The following KIF9 variants were observed in gnomAD, a reference collection of about 807,000 sequenced individuals.
The protein encoded by KIF9 is kinesin family member 9.
In KIF9, 68 loss-of-function variants were observed where a neutral mutation model predicts 94.8. That is an observed-to-expected ratio of 0.72 (90% CI 0.59 to 0.88). KIF9 has a LOEUF of 0.88. Among genes scored for constraint, KIF9 ranks in the 40% least tolerant of loss-of-function variants. KIF9 has a pLI of 0.00. For missense variants in KIF9, 882 were observed against 982.5 expected (o/e 0.90, Z 1.37); for synonymous variants, 343 against 362.1 (o/e 0.95, Z 0.60).
At chr3:47,250,320 C>T (rs534200213) in intron 10 of KIF9, among the ~76,000 whole-genome samples, 2 of 152,146 alleles carry the variant, frequency 1.3e-5, no homozygotes, top group South Asian at 2.1e-4. Context: ...TAGCAGTTAC[C>T]GTATTAAACA....
chr3:47,236,674 G>A, intron 17 of KIF9, 55 bp from the exon 18 acceptor site: 1 of 1,523,306 alleles, frequency 6.6e-7, no homozygotes, highest in Non-Finnish European at 9.1e-7. Flanking sequence ...TGAAATTGGG[G>A]GAGGAAGGGA....
chr3:47,281,103 A>G lies in KIF9; in HGVS notation c.-6+1392T>C. On this transcript the variant is annotated intron_variant, in intron 1 of 20. Transcript: ENST00000684063. ...TCCAGGGCAGAGCCCAGCACAGAGTAGGTATTCAGGAAATGGCGGTGGTTG... is the reference window on the plus strand; with the variant it reads ...TCCAGGGCAGAGCCCAGCACAGAGTGGGTATTCAGGAAATGGCGGTGGTTG... 8.7e-6 allele frequency: 6 copies of G among 686,042 alleles called. No homozygotes were observed. The South Asian group carries it at 9.2e-5, about 11-fold the overall frequency. The allele number at this position is 686,042 out of a possible 1,614,324, so 42.5% of individuals were successfully genotyped here.
rs767315678 is a variant in KIF9, at chr3:47,264,316, G to A, written c.951C>T (p.Ile317=). 25 of 1,613,734 alleles carry A rather than the reference G, an allele frequency of 1.5e-5. No homozygotes were observed. Among genetic ancestry groups the A allele is most frequent in the Non-Finnish European group, 1.4e-5 (17 of 1,179,664 alleles). The change falls in exon 9 of 21, where the codon ATC becomes ATT. Residue 317 remains isoleucine (I), a synonymous_variant. Coordinates refer to ENST00000684063, the MANE Select transcript of KIF9 (RefSeq NM_182902.4). ...GNCNMVLVTN[I]YGEAAQLEET... ...CTTCTAACTGGGCAGCTTCTCCATA[G>A]ATGTTTGTCACGAGGACCATATTGC...
intron 17 of KIF9, chr3:47,239,849 G>A: frequency 7.3e-7 from 1 of 1,367,894 alleles, no homozygotes; most frequent in South Asian, 1.1e-5. Flanking sequence ...GATCACTCAT[G>A]GAAGCTGGCC....
intron 1 of KIF9, among the ~76,000 whole-genome samples, chr3:47,278,491 T>C (rs1237518327): frequency 1.3e-5 from 2 of 152,158 alleles, no homozygotes; most frequent in Non-Finnish European, 2.9e-5. Flanking sequence ...CATCTCAACC[T>C]TCCAAGTAGC....
Position 47,282,415 on chromosome 3 carries a change from G to C in KIF9, c.-6+80C>G, listed in dbSNP as rs1012175033. 4 of 986,178 alleles carry C rather than the reference G, an allele frequency of 4.1e-6. No homozygotes were observed. In the African/African-American group the frequency reaches 7.0e-5, roughly 17 times the overall value. 61.1% of individuals were successfully genotyped at this position (986,178 alleles called of 1,614,324 possible). A position where few individuals can be genotyped will look rare whatever the true frequency, so the allele number is the denominator to read the frequency against. On this transcript the variant is annotated intron_variant, in intron 1 of 20. Coordinates refer to ENST00000684063, the MANE Select transcript of KIF9 (RefSeq NM_182902.4). The stretch of plus-strand genomic sequence containing the variant: ...GAACCCCCAGATAAAGCGGTTTTTG[G>C]ACCCCAGCCACTTTCAGCAGTCCGG...
At chr3:47,279,160 C>CAAAA (rs55779664) in intron 1 of KIF9, among the ~76,000 whole-genome samples, 2 of 54,900 alleles carry the variant, frequency 3.6e-5, no homozygotes, top group Non-Finnish European at 3.7e-5. Context: ...GACCATATCT[C>CAAAA]AAAAAAAAAA....
intron 5 of KIF9, among the ~76,000 whole-genome samples, chr3:47,268,676 G>A (rs1335045328): frequency 1.3e-5 from 2 of 150,156 alleles, no homozygotes; most frequent in South Asian, 2.1e-4. Flanking sequence ...TCTGCCTCCC[G>A]GGCTCAAGTG....
rs754164972 is a variant in KIF9, at chr3:47,264,320, T to C, written c.947A>G (p.Asn316Ser). The C allele has an allele frequency of 5.6e-6, 9 of 1,613,808 alleles. No homozygotes were observed. In the East Asian group the frequency reaches 1.8e-4, roughly 32 times the overall value. ...TAACTGGGCAGCTTCTCCATAGATGTTTGTCACGAGGACCATATTGCAGTT... is the reference window on the plus strand; with the variant it reads ...TAACTGGGCAGCTTCTCCATAGATGCTTGTCACGAGGACCATATTGCAGTT... ...GGNCNMVLVT[N>S]IYGEAAQLEE... The change falls in exon 9 of 21, where the codon AAC (asparagine) becomes AGC (serine). Residue 316 changes from asparagine to serine, a missense_variant. Transcript: ENST00000684063.
intron 8 of KIF9, 24 bp downstream of exon 8, chr3:47,265,706 T>C: frequency 6.2e-7 from 1 of 1,611,716 alleles, no homozygotes; most frequent in Non-Finnish European, 8.5e-7. Context: ...CCCTCCTCCC[T>C]GGGCAGCAAC....
At chr3:47,269,375 G>A (rs147720015) in intron 5 of KIF9, among the ~76,000 whole-genome samples, 2 of 152,234 alleles carry the variant, frequency 1.3e-5, no homozygotes, top group East Asian at 3.9e-4. Flanking sequence ...TCTACCTGCT[G>A]GGCTCAAGTG....
chr3:47,272,193 C>T (rs1034782244), intron 4 of KIF9, among the ~76,000 whole-genome samples: 13 of 152,104 alleles, frequency 8.5e-5, no homozygotes, highest in African/African-American at 2.9e-4. Flanking sequence ...AAAGCCAGAA[C>T]TCAGCCTTCT....
chr3:47,262,548 C>T (rs1169336787), intron 9 of KIF9, among the ~76,000 whole-genome samples: 1 of 152,210 alleles, frequency 6.6e-6, no homozygotes, highest in Non-Finnish European at 1.5e-5. Flanking sequence ...GCTCGGATTA[C>T]AGGCATGAGC....
At position 47,280,318 on chromosome 3, in the gene KIF9, G is replaced by A. The variant is rs535885367; in HGVS notation, c.-6+2177C>T. On this transcript the variant is annotated intron_variant, in intron 1 of 20. Transcript: ENST00000684063. ...TCAGATGCCATCCAGGGTATGCTCC[G>A]AAAGGGACCATGAAGAAGCAGGGGA... 6.6e-5 allele frequency among the ~76,000 whole-genome samples: 10 copies of A among 152,290 alleles called. No homozygotes were observed. The South Asian group carries it at 1.2e-3, about 19-fold the overall frequency.
chr3:47,236,216 T>C, intron 18 of KIF9, 67 bp from the exon 19 acceptor site: 2 of 1,245,532 alleles, frequency 1.6e-6, no homozygotes, highest in East Asian at 2.3e-5. Context: ...ATCTGTCTTA[T>C]ATCTGTTGCA....
intron 10 of KIF9, among the ~76,000 whole-genome samples, chr3:47,252,938 G>A (rs527496288): frequency 1.5e-4 from 23 of 151,868 alleles, no homozygotes; most frequent in African/African-American, 5.1e-4. Context: ...GCTTGAACCT[G>A]GGAGGTGGAG....
intron 12 of KIF9, among the ~76,000 whole-genome samples, chr3:47,246,802 T>G (rs139656782): frequency 6.0e-4 from 91 of 152,280 alleles, no homozygotes; most frequent in Middle Eastern, 3.4e-3. Context: ...GTCCCAGGCC[T>G]GCTTCTCGGA....
intron 5 of KIF9, among the ~76,000 whole-genome samples, chr3:47,268,284 G>T (rs1024065365): frequency 2.0e-5 from 3 of 152,168 alleles, no homozygotes; most frequent in Non-Finnish European, 4.4e-5. Context: ...GGGTGGTGGT[G>T]TGGTGGAAAT....
At chr3:47,230,568 C>A (rs1476660913) in intron 20 of KIF9, among the ~76,000 whole-genome samples, 2 of 150,692 alleles carry the variant, frequency 1.3e-5, no homozygotes, top group East Asian at 3.9e-4. Flanking sequence ...CCCATCTCTA[C>A]TAAAAATACA....
Sources: gnomAD v4.1 joint callset for allele counts (sites outside exome capture counted in the v4.1 genomes callset) on GRCh38, gnomAD v4.1.1 for gene constraint, MANE v1.5 for transcripts, NCBI Gene and HGNC (gene_info 2026-07-23, HGNC 2026-07-21) for gene names.